Variants in LRP1B observed in about 807,000 individuals in gnomAD.
LRP1B encodes LDL receptor related protein 1B.
LRP1B carries 217 observed loss-of-function variants against 556.6 expected under a neutral mutation model. The ratio of observed to expected loss-of-function variants is 0.39; its 90% CI spans 0.35 to 0.44. LRP1B has a LOEUF of 0.44. Ranked by LOEUF, LRP1B falls within the 20% of genes least tolerant of loss-of-function variation. The pLI, the probability that LRP1B is intolerant of heterozygous loss-of-function variation, is 1.00. For missense variants in LRP1B, 5,053 were observed against 5,620.8 expected, an observed-to-expected ratio of 0.90 and a Z score of 3.23; for synonymous variants, 2,047 against 1,865.8, an observed-to-expected ratio of 1.10 and a Z score of -2.50.
At chr2:142,042,734 A>C (rs1485924183) in intron 1 of LRP1B, among the ~76,000 whole-genome samples, 1 of 151,594 alleles carries the variant, frequency 6.6e-6, no homozygotes, top group Non-Finnish European at 1.5e-5. Flanking sequence ...CCTGAATTCT[A>C]TCCAAACCCA....
intron 1 of LRP1B, among the ~76,000 whole-genome samples, chr2:142,117,252 G>C (rs2105006215): frequency 6.6e-6 from 1 of 152,208 alleles, no homozygotes; most frequent in Non-Finnish European, 1.5e-5. Context: ...CCTCTGCTGG[G>C]TCATTAATGA....
At chr2:141,415,146 C>T (rs1490997660) in intron 3 of LRP1B, among the ~76,000 whole-genome samples, 1 of 152,190 alleles carries the variant, frequency 6.6e-6, no homozygotes, top group Non-Finnish European at 1.5e-5. Flanking sequence ...TCCCCAGTAG[C>T]TGGGACTACA....
intron 2 of LRP1B, among the ~76,000 whole-genome samples, chr2:141,788,673 C>A (rs1264694303): frequency 2.0e-5 from 3 of 151,716 alleles, no homozygotes; most frequent in African/African-American, 7.3e-5. Flanking sequence ...CTAATGCTAT[C>A]CCTTCCCCTT....
At chr2:140,928,571 C>A (rs1252805177) in intron 20 of LRP1B, among the ~76,000 whole-genome samples, 2 of 152,068 alleles carry the variant, frequency 1.3e-5, no homozygotes, top group Non-Finnish European at 2.9e-5. Flanking sequence ...AATTCATTGA[C>A]CAAACCTCAT....
intron 15 of LRP1B, among the ~76,000 whole-genome samples, chr2:140,996,215 A>G (rs1032068916): frequency 5.3e-5 from 8 of 151,986 alleles, no homozygotes; most frequent in African/African-American, 1.4e-4. Context: ...GGCGTAAGGC[A>G]TCATTAATTG....
chr2:141,928,218 A>G (rs1574500397), intron 1 of LRP1B, among the ~76,000 whole-genome samples: 1 of 152,210 alleles, frequency 6.6e-6, no homozygotes, highest in African/African-American at 2.4e-5. Flanking sequence ...AAGGAACAAT[A>G]TTTAAAGGAT....
At chr2:142,053,955 G>A (rs1300942341) in intron 1 of LRP1B, among the ~76,000 whole-genome samples, 6 of 152,102 alleles carry the variant, frequency 3.9e-5, no homozygotes, top group Admixed American at 3.9e-4. Context: ...TCAGGGAAGG[G>A]AAACCCAAGG....
At chr2:141,297,989 A>T (rs1686247069) in intron 3 of LRP1B, among the ~76,000 whole-genome samples, 1 of 152,200 alleles carries the variant, frequency 6.6e-6, no homozygotes, top group South Asian at 2.1e-4. Flanking sequence ...CACAATAACA[A>T]AATTGCCTAA....
intron 23 of LRP1B, among the ~76,000 whole-genome samples, chr2:140,888,379 A>G (rs1304916168): frequency 1.3e-5 from 2 of 152,066 alleles, no homozygotes; most frequent in Non-Finnish European, 2.9e-5. Flanking sequence ...AATAACAAAT[A>G]TAACTACAGA....
At chr2:140,480,367 G>A (rs1364362839) in intron 59 of LRP1B, among the ~76,000 whole-genome samples, 1 of 152,100 alleles carries the variant, frequency 6.6e-6, no homozygotes, top group Non-Finnish European at 1.5e-5. Flanking sequence ...TAATGGATAT[G>A]AATACTGAGT....
intron 86 of LRP1B, among the ~76,000 whole-genome samples, chr2:140,249,671 C>T (rs1573682879): frequency 6.6e-6 from 1 of 151,862 alleles, no homozygotes; most frequent in African/African-American, 2.4e-5. Flanking sequence ...ATATGTTCCA[C>T]TGTTCTGCAT....
At chr2:140,432,324 C>G (rs1229482167) in intron 66 of LRP1B, among the ~76,000 whole-genome samples, 1 of 152,188 alleles carries the variant, frequency 6.6e-6, no homozygotes, top group Non-Finnish European at 1.5e-5. Context: ...GGACTCAGCC[C>G]GCCTGCACCC....
chr2:141,193,477 AAGAC>A (rs1681608881), intron 6 of LRP1B, among the ~76,000 whole-genome samples: 1 of 152,142 alleles, frequency 6.6e-6, no homozygotes, highest in East Asian at 1.9e-4. Context: ...TTAGCAAACT[AAGAC>A]AGAAACAGAA....
chr2:141,103,614 T>C (rs1409601902), intron 7 of LRP1B, among the ~76,000 whole-genome samples: 3 of 151,406 alleles, frequency 2.0e-5, no homozygotes, highest in Non-Finnish European at 2.9e-5. Context: ...CCAGTAGCTA[T>C]GTTTTCTTTG....
chr2:141,620,632 A>G (rs993958050), intron 2 of LRP1B, among the ~76,000 whole-genome samples: 1 of 152,234 alleles, frequency 6.6e-6, no homozygotes, highest in Non-Finnish European at 1.5e-5. Flanking sequence ...ATGTTAATAC[A>G]TATTTTAAAG....
intron 43 of LRP1B, among the ~76,000 whole-genome samples, chr2:140,570,828 G>T (rs190044411): frequency 6.6e-6 from 1 of 151,912 alleles, no homozygotes; most frequent in East Asian, 1.9e-4. Flanking sequence ...CCACGATCAA[G>T]TTGAGTTTAT....
intron 31 of LRP1B, among the ~76,000 whole-genome samples, chr2:140,837,799 G>T (rs76628970): frequency 0.47 from 70,205 of 148,984 alleles, 17,944 homozygotes; most frequent in East Asian, 0.6. Context: ...GTTGTGGGGT[G>T]GGGGGAGGGG....
At chr2:140,480,880 T>C (rs1455691530) in intron 59 of LRP1B, among the ~76,000 whole-genome samples, 1 of 152,146 alleles carries the variant, frequency 6.6e-6, no homozygotes. Context: ...TTTACCTTAT[T>C]TTGAGAGAAA....
At chr2:141,829,729 A>G (rs931706809) in intron 1 of LRP1B, among the ~76,000 whole-genome samples, 2 of 152,004 alleles carry the variant, frequency 1.3e-5, no homozygotes, top group African/African-American at 4.8e-5. Context: ...GATTTGGATC[A>G]TATACATGTC....
Sources: allele counts gnomAD v4.1 joint callset (sites outside exome capture counted in the v4.1 genomes callset), GRCh38; gene constraint gnomAD v4.1.1; transcripts MANE v1.5; gene names NCBI Gene and HGNC (gene_info 2026-07-23, HGNC 2026-07-21).